The following CRB1 variants were observed in gnomAD, a reference collection of about 807,000 sequenced individuals.
CRB1 encodes the protein crumbs cell polarity complex component 1, also known as protein crumbs homolog 1.
A neutral mutation model predicts 120.0 loss-of-function variants in CRB1; 83 were observed. The ratio of observed to expected loss-of-function variants is 0.69; its 90% CI spans 0.58 to 0.83. The LOEUF (loss-of-function observed/expected upper bound fraction) is 0.83. CRB1 is among the 40% of genes least tolerant of loss of function. The pLI, the probability that CRB1 is intolerant of heterozygous loss-of-function variation, is 0.00. For missense variants in CRB1, 1,699 were observed against 1,687.6 expected, an observed-to-expected ratio of 1.01 and a Z score of -0.12; for synonymous variants, 625 against 612.5, an observed-to-expected ratio of 1.02 and a Z score of -0.30.
intron 1 of CRB1, among the ~76,000 whole-genome samples, chr1:197,319,796 C>A (rs1256439221): frequency 6.6e-6 from 1 of 151,922 alleles, no homozygotes; most frequent in African/African-American, 2.4e-5. Flanking sequence ...AAACTGGCTT[C>A]TTGTTTTTGG....
At chr1:197,268,887 T>C (rs1470717276) in intron 1 of CRB1, among the ~76,000 whole-genome samples, 1 of 152,242 alleles carries the variant, frequency 6.6e-6, no homozygotes, top group Non-Finnish European at 1.5e-5. Flanking sequence ...TATATATTTA[T>C]CTTCACTTTT....
chr1:197,363,221 T>C (rs1266132131), intron 5 of CRB1, among the ~76,000 whole-genome samples: 1 of 152,026 alleles, frequency 6.6e-6, no homozygotes, highest in African/African-American at 2.4e-5. Context: ...TCATTACATA[T>C]AATTTAGAAA....
At chr1:197,285,374 G>A (rs1655766540) in intron 1 of CRB1, among the ~76,000 whole-genome samples, 1 of 151,854 alleles carries the variant, frequency 6.6e-6, no homozygotes, top group Non-Finnish European at 1.5e-5. Flanking sequence ...AGAAGGCCTT[G>A]CCCTTTAGAG....
chr1:197,453,739 G>A (rs1666101853), intron 11 of CRB1, among the ~76,000 whole-genome samples: 1 of 145,006 alleles, frequency 6.9e-6, no homozygotes, highest in South Asian at 2.1e-4. Context: ...ACCACACCTG[G>A]CTAATTTTCT....
At chr1:197,211,451 G>A in the CRB1 span, among the ~76,000 whole-genome samples, 1 of 152,296 alleles carries the variant, frequency 6.6e-6, no homozygotes, top group East Asian at 1.9e-4. Flanking sequence ...AGATCAAGGG[G>A]CCAGCATTCA....
At chr1:197,284,358 T>C (rs1655702817) in intron 1 of CRB1, among the ~76,000 whole-genome samples, 1 of 151,906 alleles carries the variant, frequency 6.6e-6, no homozygotes, top group Admixed American at 6.6e-5. Flanking sequence ...GCTGATTGAA[T>C]ACAACTTCAG....
At chr1:197,318,267 G>C (rs563376223) in intron 1 of CRB1, among the ~76,000 whole-genome samples, 5 of 152,090 alleles carry the variant, frequency 3.3e-5, no homozygotes, top group Non-Finnish European at 7.4e-5. Flanking sequence ...GAAATCATCA[G>C]GGAAAGGCAA....
At chr1:197,465,981 T>C (rs936282384) in intron 11 of CRB1, among the ~76,000 whole-genome samples, 1 of 152,194 alleles carries the variant, frequency 6.6e-6, no homozygotes, top group African/African-American at 2.4e-5. Context: ...ATATTTTACA[T>C]GGGTGACTTG....
chr1:197,473,034 G>A (rs373956663), intron 11 of CRB1, among the ~76,000 whole-genome samples: 2 of 152,164 alleles, frequency 1.3e-5, no homozygotes, highest in East Asian at 3.9e-4. Flanking sequence ...TACATATACT[G>A]TGGGAAAATG....
chr1:197,350,019 G>A (rs1385151692), intron 4 of CRB1, among the ~76,000 whole-genome samples: 7 of 150,530 alleles, frequency 4.7e-5, no homozygotes, highest in African/African-American at 1.7e-4. Flanking sequence ...AGAATGGCGT[G>A]AACCCGGGAA....
At chr1:197,374,156 G>A (rs1319137355) in intron 5 of CRB1, among the ~76,000 whole-genome samples, 1 of 152,180 alleles carries the variant, frequency 6.6e-6, no homozygotes, top group Non-Finnish European at 1.5e-5. Flanking sequence ...TCTGGTAAGA[G>A]GATGGATCCA....
intron 1 of CRB1, among the ~76,000 whole-genome samples, chr1:197,314,421 T>C (rs965246561): frequency 1.3e-5 from 2 of 152,204 alleles, no homozygotes; most frequent in Admixed American, 6.5e-5. Flanking sequence ...TTTACTCATA[T>C]TCATTCTTTT....
At chr1:197,319,987 T>C (rs1216438506) in intron 1 of CRB1, among the ~76,000 whole-genome samples, 3 of 152,234 alleles carry the variant, frequency 2.0e-5, no homozygotes, top group Admixed American at 2.0e-4. Context: ...GCTTATTTGA[T>C]GAAACGCTTA....
intron 11 of CRB1, among the ~76,000 whole-genome samples, chr1:197,475,696 C>T (rs980538165): frequency 1.1e-4 from 16 of 152,196 alleles, no homozygotes; most frequent in African/African-American, 3.9e-4. Context: ...TAACAAGACC[C>T]TTCTACTTTA....
At chr1:197,225,796 G>A in the CRB1 span, among the ~76,000 whole-genome samples, 1,336 of 152,252 alleles carry the variant, frequency 8.8e-3, 18 homozygotes, top group African/African-American at 0.03. Flanking sequence ...AAGCTTTCTC[G>A]CATACACAGC....
chr1:197,403,625 T>C (rs1663179778), intron 5 of CRB1, among the ~76,000 whole-genome samples: 1 of 152,112 alleles, frequency 6.6e-6, no homozygotes, highest in Admixed American at 6.5e-5. Context: ...ACCCTGCTGA[T>C]GTTTTTTTTT....
At chr1:197,453,961 ATAT>A (rs1179719356) in intron 11 of CRB1, among the ~76,000 whole-genome samples, 23 of 124,414 alleles carry the variant, frequency 1.8e-4, no homozygotes, top group Non-Finnish European at 3.1e-4. Context: ...TGATATTATT[ATAT>A]TATTAATAAT....
intron 5 of CRB1, among the ~76,000 whole-genome samples, chr1:197,358,888 G>A (rs1660626782): frequency 6.6e-6 from 1 of 152,126 alleles, no homozygotes; most frequent in South Asian, 2.1e-4. Context: ...GAGAAAATAA[G>A]TTTTGCAAAC....
chr1:197,442,150 T>A lies in CRB1; in HGVS notation c.3879-16T>A, dbSNP rs376774507. Reference sequence around the variant, plus strand: ...CAACAGGGACCTGGGTTTCTGCTGTTCTGTTTATTTTGAAGGTGTGAAAAG... The same window carrying A: ...CAACAGGGACCTGGGTTTCTGCTGTACTGTTTATTTTGAAGGTGTGAAAAG... On this transcript the variant is annotated splice_polypyrimidine_tract_variant and intron_variant, in intron 10 of 11. Coordinates refer to ENST00000367400, the MANE Select transcript of CRB1 (RefSeq NM_201253.3). The A allele has an allele frequency of 2.5e-6, 4 of 1,613,988 alleles. No individual in the cohort carries two copies. The African/African-American group carries it at 5.3e-5, about 22-fold the overall frequency.
Sources: allele counts gnomAD v4.1 joint callset (sites outside exome capture counted in the v4.1 genomes callset), GRCh38; gene constraint gnomAD v4.1.1; transcripts MANE v1.5; gene names NCBI Gene and HGNC (gene_info 2026-07-23, HGNC 2026-07-21).